ZNF804B: variants seen among roughly 807,000 people sequenced by gnomAD.
The protein encoded by ZNF804B is zinc finger protein 804B, also known as zinc finger 804B.
In ZNF804B, 80 loss-of-function variants were observed where a neutral mutation model predicts 101.4. The observed-to-expected ratio is 0.79, with a 90% CI of 0.66 to 0.95. The LOEUF is 0.95. Ranked by LOEUF, ZNF804B falls within the 40% of genes least tolerant of loss-of-function variation. The pLI is 0.00. For missense variants in ZNF804B, 1,673 were observed against 1,561.9 expected (o/e 1.07, Z -1.20); for synonymous variants, 622 against 558.8 (o/e 1.11, Z -1.59).
chr7:89,187,411 G>T (rs1788390684), intron 1 of ZNF804B, among the ~76,000 whole-genome samples: 1 of 152,096 alleles, frequency 6.6e-6, no homozygotes, highest in African/African-American at 2.4e-5. Context: ...TAGAAACTAA[G>T]GGAGCTCCAA....
At chr7:88,931,296 A>G (rs1008915324) in intron 1 of ZNF804B, among the ~76,000 whole-genome samples, 1 of 151,924 alleles carries the variant, frequency 6.6e-6, no homozygotes, top group African/African-American at 2.4e-5. Flanking sequence ...AATAATTGGT[A>G]TTTATATTTG....
intron 1 of ZNF804B, among the ~76,000 whole-genome samples, chr7:89,094,550 A>G (rs1316739165): frequency 2.0e-5 from 3 of 152,150 alleles, no homozygotes; most frequent in African/African-American, 7.2e-5. Flanking sequence ...ACTTTTTTAA[A>G]AAAAAATCCT....
chr7:88,812,487 G>C (rs1014504734), intron 1 of ZNF804B, among the ~76,000 whole-genome samples: 1 of 152,126 alleles, frequency 6.6e-6, no homozygotes, highest in Non-Finnish European at 1.5e-5. Context: ...AGATTTACCA[G>C]ATGAGTCAAC....
intron 1 of ZNF804B, among the ~76,000 whole-genome samples, chr7:89,044,237 T>C (rs1470088219): frequency 1.3e-5 from 2 of 152,204 alleles, no homozygotes; most frequent in Non-Finnish European, 2.9e-5. Flanking sequence ...CCTGCCATCA[T>C]GTGAAGAAGG....
chr7:89,010,862 A>G (rs764948018), intron 1 of ZNF804B, among the ~76,000 whole-genome samples: 1 of 152,164 alleles, frequency 6.6e-6, no homozygotes, highest in Non-Finnish European at 1.5e-5. Flanking sequence ...ATAAAATCCT[A>G]GAGTTTGATT....
chr7:88,956,557 T>C (rs1187790287), intron 1 of ZNF804B, among the ~76,000 whole-genome samples: 13 of 151,370 alleles, frequency 8.6e-5, no homozygotes, highest in Non-Finnish European at 1.8e-4. Context: ...AAAATTATAA[T>C]ATCTTAAGTG....
intron 1 of ZNF804B, among the ~76,000 whole-genome samples, chr7:88,819,470 G>A (rs1165180910): frequency 2.0e-5 from 3 of 152,062 alleles, no homozygotes; most frequent in African/African-American, 7.2e-5. Context: ...ATTTATTGAT[G>A]GTTCCAATGA....
chr7:89,120,236 G>A (rs1183543108), intron 1 of ZNF804B, among the ~76,000 whole-genome samples: 5 of 152,010 alleles, frequency 3.3e-5, no homozygotes, highest in Admixed American at 6.6e-5. Context: ...TGCAGTGAGC[G>A]GAGATCGCAC....
At chr7:88,861,001 T>A (rs750819261) in intron 1 of ZNF804B, among the ~76,000 whole-genome samples, 1 of 152,130 alleles carries the variant, frequency 6.6e-6, no homozygotes, top group African/African-American at 2.4e-5. Flanking sequence ...ACTAGTCAAT[T>A]ATGCTAAATT....
Position 88,759,948 on chromosome 7 carries a change from T to C in ZNF804B, c.-29T>C, listed in dbSNP as rs752277586. 6.2e-7 allele frequency: 1 copy of C among 1,603,134 alleles called. No homozygotes were observed. Among genetic ancestry groups the C allele is most frequent in the Non-Finnish European group, 8.5e-7 (1 of 1,170,166 alleles). ...CACGGCTGGTCGCCTGGTGAGGAGT[T>C]GAGACTCTGCGCCTCCGCCCGGACC... On this transcript the variant is annotated 5_prime_UTR_variant, in exon 1 of 4. Coordinates refer to ENST00000333190, the MANE Select transcript of ZNF804B (RefSeq NM_181646.5).
intron 1 of ZNF804B, among the ~76,000 whole-genome samples, chr7:89,175,000 C>G (rs911301195): frequency 6.6e-6 from 1 of 151,966 alleles, no homozygotes; most frequent in African/African-American, 2.4e-5. Flanking sequence ...AAATTCTTGT[C>G]AGATGGATAG....
At chr7:89,282,338 A>G (rs1022648260) in intron 2 of ZNF804B, among the ~76,000 whole-genome samples, 1 of 152,170 alleles carries the variant, frequency 6.6e-6, no homozygotes. Flanking sequence ...TATTGCAAAT[A>G]TCATCAACAC....
At chr7:89,281,328 G>A (rs1790090851) in intron 2 of ZNF804B, among the ~76,000 whole-genome samples, 1 of 152,106 alleles carries the variant, frequency 6.6e-6, no homozygotes, top group South Asian at 2.1e-4. Context: ...TTGAAGAACT[G>A]CATTTTCATC....
At chr7:88,900,540 C>A in intron 1 of ZNF804B, among the ~76,000 whole-genome samples, 1 of 144,564 alleles carries the variant, frequency 6.9e-6, no homozygotes, top group East Asian at 2.0e-4. Flanking sequence ...TTGGTCATTC[C>A]AAAAACATTG....
chr7:89,170,812 A>G (rs1206914612), intron 1 of ZNF804B, among the ~76,000 whole-genome samples: 3 of 152,230 alleles, frequency 2.0e-5, no homozygotes, highest in Admixed American at 6.5e-5. Flanking sequence ...CCAGCAGCAC[A>G]CTGCCAATGG....
chr7:88,974,298 TACTC>T (rs1194007201), intron 1 of ZNF804B, among the ~76,000 whole-genome samples: 5 of 151,334 alleles, frequency 3.3e-5, no homozygotes, highest in African/African-American at 1.2e-4. Flanking sequence ...ATATTTAAAA[TACTC>T]AAGTTGGACA....
intron 1 of ZNF804B, among the ~76,000 whole-genome samples, chr7:88,872,920 C>T (rs1428588016): frequency 2.6e-5 from 4 of 151,822 alleles, no homozygotes; most frequent in Non-Finnish European, 5.9e-5. Context: ...AATAATGCCG[C>T]AATAAATATA....
At chr7:89,024,482 A>T (rs1788716232) in intron 1 of ZNF804B, among the ~76,000 whole-genome samples, 1 of 151,980 alleles carries the variant, frequency 6.6e-6, no homozygotes. Flanking sequence ...GGTTCTGTTC[A>T]CTACAAAGTC....
intron 1 of ZNF804B, chr7:88,794,504 G>A: frequency 6.2e-7 from 1 of 1,613,672 alleles, no homozygotes; most frequent in Non-Finnish European, 8.5e-7. Context: ...ACTGAAACAT[G>A]CCATTGCATA....
Sources: allele counts gnomAD v4.1 joint callset (sites outside exome capture counted in the v4.1 genomes callset), GRCh38; gene constraint gnomAD v4.1.1; transcripts MANE v1.5; gene names NCBI Gene and HGNC (gene_info 2026-07-23, HGNC 2026-07-21).